Variants in KIT observed in about 807,000 individuals in gnomAD.
KIT encodes KIT proto-oncogene, receptor tyrosine kinase.
A neutral mutation model predicts 105.7 loss-of-function variants in KIT; 16 were observed. The observed-to-expected ratio is 0.15, with a 90% CI of 0.10 to 0.23. The LOEUF is 0.23. KIT is among the 10% of genes least tolerant of loss of function. The pLI is 1.00. For synonymous variants in KIT, 438 were observed against 441.1 expected, an observed-to-expected ratio of 0.99 and a Z score of 0.09; for missense variants, 858 against 1,213.8, an observed-to-expected ratio of 0.71 and a Z score of 4.36.
chr4:54,723,743 G>T (rs1212977415), intron 8 of KIT, 45 bp downstream of exon 8: 1 of 1,041,768 alleles, frequency 9.6e-7, no homozygotes, highest in Admixed American at 1.7e-5. Context: ...AGAGGGGAAG[G>T]ACTGCAATTC....
intron 7 of KIT, among the ~76,000 whole-genome samples, chr4:54,715,583 AT>A (rs1179979527): frequency 6.6e-6 from 1 of 152,044 alleles, no homozygotes; most frequent in Non-Finnish European, 1.5e-5. Flanking sequence ...GTTTTTAAAA[AT>A]CGGATCTCGA....
intron 1 of KIT, among the ~76,000 whole-genome samples, chr4:54,666,176 C>A (rs1016631116): frequency 1.3e-5 from 2 of 152,122 alleles, no homozygotes; most frequent in African/African-American, 2.4e-5. Context: ...GAATGACAGT[C>A]TTCAAATATT....
At position 54,689,626 on chromosome 4, in the gene KIT, TAAA is replaced by T. The variant is rs372028377; in HGVS notation, c.68-5882_68-5880del. The stretch of plus-strand genomic sequence containing the variant: ...AATAATAGAGGCCAGTGTGATCAGA[TAAA>T]AAAGTGTCAAGATAGCTGAGGCAGG... On this transcript the variant is annotated intron_variant, in intron 1 of 20. Transcript: ENST00000288135. Among the ~76,000 whole-genome samples the T allele has an allele frequency of 1.2e-4, 18 of 152,266 alleles. No homozygotes were observed. In the East Asian group the frequency reaches 3.1e-3, roughly 26 times the overall value.
chr4:54,731,549 A>G (rs1722598929), intron 15 of KIT, 130 bp downstream of exon 15: 1 of 769,372 alleles, frequency 1.3e-6, no homozygotes, highest in Non-Finnish European at 2.3e-6. Flanking sequence ...AGCAGTGCCA[A>G]TGGTCAATGG....
At chr4:54,712,824 A>G (rs1345160824) in intron 7 of KIT, among the ~76,000 whole-genome samples, 1 of 152,150 alleles carries the variant, frequency 6.6e-6, no homozygotes, top group African/African-American at 2.4e-5. Flanking sequence ...ATTTCACTGG[A>G]TATACAGATG....
chr4:54,658,443 C>T (rs1451527226), intron 1 of KIT, among the ~76,000 whole-genome samples: 2 of 152,046 alleles, frequency 1.3e-5, no homozygotes, highest in Non-Finnish European at 2.9e-5. Flanking sequence ...TTGCACCGAG[C>T]GCCTTCTCTT....
At chr4:54,695,481 A>G (rs374331528) in intron 1 of KIT, 31 bp from the exon 2 acceptor site, 18 of 1,613,132 alleles carry the variant, frequency 1.1e-5, no homozygotes, top group Admixed American at 1.7e-5. Context: ...GAAGAAGATC[A>G]TACTCAACAC....
At chr4:54,699,788 T>A in intron 4 of KIT, 22 bp downstream of exon 4, 1 of 1,613,256 alleles carries the variant, frequency 6.2e-7, no homozygotes, top group South Asian at 1.1e-5. Flanking sequence ...GCTTCATTCT[T>A]CTCATGTTCT....
At chr4:54,669,005 A>G (rs1451671731) in intron 1 of KIT, among the ~76,000 whole-genome samples, 4 of 152,208 alleles carry the variant, frequency 2.6e-5, no homozygotes, top group African/African-American at 7.2e-5. Flanking sequence ...ATAAAACACC[A>G]CAAGGACTGG....
In KIT at chr4:54,738,870, GC is replaced by G. The variant is rs375297569; in HGVS notation, c.*316del. 744 of 596,574 alleles carry G rather than the reference GC, an allele frequency of 1.2e-3. 3 individuals carry two copies. Among genetic ancestry groups the G allele is most frequent in the African/African-American group, 0.01 (551 of 53,904 alleles). 37.0% of individuals were successfully genotyped at this position (596,574 alleles called of 1,614,324 possible). ...TCCTTTCCAAGGCTTCTCCAATTCTGCCCAAAAATATGGTTGATAGTTTACC... is the reference window on the plus strand; with the variant it reads ...TCCTTTCCAAGGCTTCTCCAATTCTGCCAAAAATATGGTTGATAGTTTACC... On this transcript the variant is annotated 3_prime_UTR_variant, in exon 21 of 21. Transcript: ENST00000288135.
chr4:54,684,184 G>T (rs1719147021), intron 1 of KIT, among the ~76,000 whole-genome samples: 1 of 151,960 alleles, frequency 6.6e-6, no homozygotes, highest in African/African-American at 2.4e-5. Context: ...GGTGGGGTGG[G>T]GTGGGGTGGG....
intron 17 of KIT, chr4:54,733,524 A>C: frequency 3.3e-6 from 1 of 298,662 alleles, no homozygotes; most frequent in Non-Finnish European, 6.5e-6. Context: ...AGGTCACAGC[A>C]GGAGAAATTT....
At chr4:54,735,974 A>C (rs1287684061) in intron 17 of KIT, among the ~76,000 whole-genome samples, 1 of 152,052 alleles carries the variant, frequency 6.6e-6, no homozygotes, top group African/African-American at 2.4e-5. Context: ...CTTGCACTAG[A>C]GAAGAGAGGG....
At chr4:54,716,177 C>G (rs1721484452) in intron 7 of KIT, among the ~76,000 whole-genome samples, 1 of 152,158 alleles carries the variant, frequency 6.6e-6, no homozygotes, top group African/African-American at 2.4e-5. Context: ...ATACTATTAG[C>G]GTGACTTCCT....
At position 54,725,860 on chromosome 4, in the gene KIT, C is replaced by T. The variant is rs1344693300; in HGVS notation, c.1350C>T (p.Cys450=). ...WYFCPGTEQR[C]SASVLPVDVQ... Reference sequence around the variant, plus strand: ...GCTTTTGTTTTCTTCCCTTTAGATGCTCTGCTTCTGTACTGCCAGTGGATG... The same window carrying T: ...GCTTTTGTTTTCTTCCCTTTAGATGTTCTGCTTCTGTACTGCCAGTGGATG... Residue 450 remains cysteine, a synonymous_variant, in exon 9 of 21, where the codon TGC becomes TGT. Coordinates refer to ENST00000288135, the MANE Select transcript of KIT (RefSeq NM_000222.3). The T allele has an allele frequency of 1.9e-6, 3 of 1,613,938 alleles. No individual in the cohort carries two copies. Among genetic ancestry groups the T allele is most frequent in the South Asian group, 2.2e-5 (2 of 91,074 alleles).
chr4:54,735,817 A>G (rs1722894572), intron 17 of KIT, among the ~76,000 whole-genome samples: 1 of 152,146 alleles, frequency 6.6e-6, no homozygotes, highest in East Asian at 1.9e-4. Context: ...TAGACTTTAT[A>G]CCAGGATTGG....
intron 7 of KIT, among the ~76,000 whole-genome samples, chr4:54,712,552 G>C (rs1036025793): frequency 6.6e-6 from 1 of 152,102 alleles, no homozygotes; most frequent in Non-Finnish European, 1.5e-5. Flanking sequence ...CTGCCAGTTG[G>C]TCATGAGATA....
intron 1 of KIT, among the ~76,000 whole-genome samples, chr4:54,682,008 A>G (rs1718959180): frequency 6.6e-6 from 1 of 152,074 alleles, no homozygotes; most frequent in South Asian, 2.1e-4. Context: ...GTTTAGTTAT[A>G]TATTTATATT....
intron 1 of KIT, among the ~76,000 whole-genome samples, chr4:54,683,087 T>C (rs565741639): frequency 6.6e-6 from 1 of 152,272 alleles, no homozygotes; most frequent in East Asian, 1.9e-4. Flanking sequence ...TGTGTTTAAT[T>C]CCAAACATAC....
Sources: allele counts gnomAD v4.1 joint callset (sites outside exome capture counted in the v4.1 genomes callset), GRCh38; gene constraint gnomAD v4.1.1; transcripts MANE v1.5; gene names NCBI Gene and HGNC (gene_info 2026-07-23, HGNC 2026-07-21).